Variants in ST8SIA2 observed in about 807,000 individuals in gnomAD.
The protein encoded by ST8SIA2 is ST8 alpha-N-acetyl-neuraminide alpha-2,8-sialyltransferase 2.
In ST8SIA2, 22 loss-of-function variants were observed where a neutral mutation model predicts 37.6. The observed-to-expected ratio is 0.58, with a 90% confidence interval of 0.42 to 0.83. ST8SIA2 has a LOEUF of 0.83. Among genes scored for constraint, ST8SIA2 ranks in the 40% least tolerant of loss-of-function variants. ST8SIA2 has a pLI of 0.00. For missense variants in ST8SIA2, 382 were observed against 484.7 expected, an observed-to-expected ratio of 0.79 and a Z score of 1.99; for synonymous variants, 205 against 201.2, an observed-to-expected ratio of 1.02 and a Z score of -0.16.
At chr15:92,419,864 T>G (rs929302071) in intron 1 of ST8SIA2, among the ~76,000 whole-genome samples, 1 of 152,178 alleles carries the variant, frequency 6.6e-6, no homozygotes, top group African/African-American at 2.4e-5. Context: ...TGTTTTTTGT[T>G]GTTGCTTTGT....
At chr15:92,460,647 A>G (rs1434211005) in intron 5 of ST8SIA2, among the ~76,000 whole-genome samples, 6 of 152,156 alleles carry the variant, frequency 3.9e-5, no homozygotes, top group Non-Finnish European at 7.3e-5. Context: ...AGCATCAAAC[A>G]TCCCCGAGCC....
chr15:92,449,366 T>C (rs2141842828), intron 5 of ST8SIA2, among the ~76,000 whole-genome samples: 1 of 152,366 alleles, frequency 6.6e-6, no homozygotes, highest in South Asian at 2.1e-4. Context: ...CCATGATGTA[T>C]TCCATGGTGT....
chr15:92,463,174 CAT>C (rs2049968783), intron 5 of ST8SIA2, among the ~76,000 whole-genome samples: 1 of 152,252 alleles, frequency 6.6e-6, no homozygotes, highest in African/African-American at 2.4e-5. Flanking sequence ...GTGGAATGCA[CAT>C]AGTCTCTTCC....
intron 4 of ST8SIA2, among the ~76,000 whole-genome samples, chr15:92,441,615 ACACACG>A (rs953346158): frequency 1.2e-4 from 18 of 147,600 alleles, no homozygotes; most frequent in African/African-American, 3.9e-4. Flanking sequence ...ACACACACAC[ACACACG>A]CACTTCTTCC....
Position 92,459,028 on chromosome 15 carries a change from G to A in ST8SIA2, c.843-5072G>A, listed in dbSNP as rs77657194. On this transcript the variant is annotated intron_variant, in intron 5 of 5. Coordinates refer to ENST00000268164, the MANE Select transcript of ST8SIA2 (RefSeq NM_006011.4). ...GATCAGTGGGGAAAGGCATCTAGGC[G>A]AGCACCCAGCACGTGTGGAGGCCCA... Among the ~76,000 whole-genome samples, 940 of 152,234 alleles carry A rather than the reference G, an allele frequency of 6.2e-3. 11 individuals are homozygous for A. The highest frequency in any genetic ancestry group is 0.039 in the East Asian group (200 of 5,164).
chr15:92,438,524 T>G lies in ST8SIA2; in HGVS notation c.462T>G (p.Phe154Leu). ...CTTCGCCACTGAAGAATAAGCACTT[T>G]GGGACTTGTGCCATCGTGGGCAACT... Reference protein sequence around the residue: ...PRTSPLKNKHFGTCAIVGNSG... With the variant: ...PRTSPLKNKHLGTCAIVGNSG... The change falls in exon 4 of 6, where the codon TTT becomes TTG. Residue 154 changes from phenylalanine (F) to leucine (L), a missense_variant. Physicochemically the swap from Phe to Leu is conservative, Grantham distance 22 (BLOSUM62 0). Coordinates refer to ENST00000268164, the MANE Select transcript of ST8SIA2 (RefSeq NM_006011.4). 1 of 1,614,166 alleles carries G rather than the reference T, an allele frequency of 6.2e-7. No individual in the cohort carries two copies.
intron 5 of ST8SIA2, among the ~76,000 whole-genome samples, chr15:92,452,255 C>T (rs1399666565): frequency 6.6e-6 from 1 of 152,154 alleles, no homozygotes; most frequent in African/African-American, 2.4e-5. Flanking sequence ...CATTCTCAGG[C>T]CCACCCCAGA....
At chr15:92,463,003 G>C (rs1238981909) in intron 5 of ST8SIA2, among the ~76,000 whole-genome samples, 2 of 152,192 alleles carry the variant, frequency 1.3e-5, no homozygotes, top group African/African-American at 2.4e-5. Context: ...AGGATATCTT[G>C]GAGATCACCT....
intron 1 of ST8SIA2, among the ~76,000 whole-genome samples, chr15:92,424,802 G>A (rs2049663745): frequency 1.3e-5 from 2 of 151,946 alleles, no homozygotes; most frequent in African/African-American, 2.4e-5. Flanking sequence ...AGTACAGATG[G>A]GATTCCACCA....
At position 92,422,139 on chromosome 15, in the gene ST8SIA2, C is replaced by G. The variant is rs2049639385; in HGVS notation, c.99-7910C>G. ...TTGGAAAAAGTTTGCTGACTCATATCCTAGAGAATACAGAACACTGGAGCT... is the reference window on the plus strand; with the variant it reads ...TTGGAAAAAGTTTGCTGACTCATATGCTAGAGAATACAGAACACTGGAGCT... On this transcript the variant is annotated intron_variant, in intron 1 of 5. Transcript: ENST00000268164. The G allele has an allele frequency of 2.0e-5, 3 of 152,272 alleles. No homozygotes were observed. The South Asian group carries it at 6.2e-4, about 32-fold the overall frequency. The allele number at this position is 152,272 out of a possible 1,614,324, so 9.4% of individuals were successfully genotyped here. A position where few individuals can be genotyped will look rare whatever the true frequency, so the allele number is the denominator to read the frequency against.
intron 2 of ST8SIA2, among the ~76,000 whole-genome samples, chr15:92,432,041 C>T (rs11857313): frequency 0.03 from 4,555 of 152,220 alleles, 192 homozygotes; most frequent in African/African-American, 0.09. Flanking sequence ...CAGGCATCCA[C>T]GGGAGAATTC....
At chr15:92,459,098 C>G (rs748904971) in intron 5 of ST8SIA2, among the ~76,000 whole-genome samples, 1 of 152,186 alleles carries the variant, frequency 6.6e-6, no homozygotes, top group African/African-American at 2.4e-5. Context: ...GCCACTTGGA[C>G]GTTTCATCGC....
chr15:92,436,877 G>A (rs184237101), intron 3 of ST8SIA2, among the ~76,000 whole-genome samples: 2 of 152,266 alleles, frequency 1.3e-5, no homozygotes, highest in African/African-American at 4.8e-5. Context: ...CTTGAACCTG[G>A]ACACACATTA....
At chr15:92,442,438 G>A (rs143628107) in intron 4 of ST8SIA2, among the ~76,000 whole-genome samples, 13 of 152,160 alleles carry the variant, frequency 8.5e-5, no homozygotes, top group African/African-American at 2.6e-4. Flanking sequence ...CTCGTGAGCC[G>A]CCAGGGTCAG....
intron 5 of ST8SIA2, among the ~76,000 whole-genome samples, chr15:92,458,611 T>C (rs2049935731): frequency 6.6e-6 from 1 of 152,208 alleles, no homozygotes; most frequent in Non-Finnish European, 1.5e-5. Context: ...GTCATAGTTC[T>C]TGAGGCCCTC....
Position 92,458,617 on chromosome 15 carries a change from C to A in ST8SIA2, c.843-5483C>A, listed in dbSNP as rs151133709. The stretch of plus-strand genomic sequence containing the variant: ...TCTTCCGCAGTCATAGTTCTTGAGG[C>A]CCTCAGCACAGAGGCAGCAGGACCA... On this transcript the variant is annotated intron_variant, in intron 5 of 5. Transcript: ENST00000268164. Among the ~76,000 whole-genome samples the A allele has an allele frequency of 1.7e-3, 256 of 152,322 alleles. 3 individuals carry two copies. Among genetic ancestry groups the A allele is most frequent in the African/African-American group, 5.7e-3 (235 of 41,576 alleles).
chr15:92,455,332 G>A (rs1027221222), intron 5 of ST8SIA2, among the ~76,000 whole-genome samples: 17 of 152,040 alleles, frequency 1.1e-4, no homozygotes, highest in Admixed American at 2.0e-4. Context: ...GGTGGCTCCC[G>A]GCATTTGTGT....
chr15:92,457,935 G>A (rs1174026841), intron 5 of ST8SIA2, among the ~76,000 whole-genome samples: 1 of 152,192 alleles, frequency 6.6e-6, no homozygotes, highest in Admixed American at 6.5e-5. Context: ...CCAGATCTGA[G>A]AGGTTGGGCA....
intron 4 of ST8SIA2, among the ~76,000 whole-genome samples, chr15:92,442,319 G>C (rs910239412): frequency 6.6e-6 from 1 of 152,178 alleles, no homozygotes; most frequent in Non-Finnish European, 1.5e-5. Context: ...GCTGGGGCCT[G>C]CCTGCAAGGA....
Sources: gnomAD v4.1 joint callset for allele counts (sites outside exome capture counted in the v4.1 genomes callset) on GRCh38, gnomAD v4.1.1 for gene constraint, MANE v1.5 for transcripts, NCBI Gene and HGNC (gene_info 2026-07-23, HGNC 2026-07-21) for gene names.